The following PHLDB2 variants were observed in gnomAD, a reference collection of about 807,000 sequenced individuals.
PHLDB2 encodes the protein pleckstrin homology-like domain family B member 2.
In PHLDB2, 71 loss-of-function variants were observed where a neutral mutation model predicts 123.6. The ratio of observed to expected loss-of-function variants is 0.57; its 90% CI spans 0.47 to 0.70. The LOEUF (loss-of-function observed/expected upper bound fraction) is 0.70, where lower values mean the gene tolerates loss of function less well. Ranked by LOEUF, PHLDB2 falls within the 30% of genes least tolerant of loss-of-function variation. The pLI is 0.00. For synonymous variants in PHLDB2, 547 were observed against 541.6 expected (o/e 1.01, Z -0.14); for missense variants, 1,446 against 1,519.5 (o/e 0.95, Z 0.80).
intron 1 of PHLDB2, among the ~76,000 whole-genome samples, chr3:111,798,700 A>AATAAAATAAG: frequency 6.6e-6 from 1 of 151,774 alleles, no homozygotes; most frequent in East Asian, 1.9e-4. Context: ...AATAAAATAA[A>AATAAAATAAG]ATAAAATAAA....
At chr3:111,963,735 A>G (rs1210764079) in intron 13 of PHLDB2, among the ~76,000 whole-genome samples, 2 of 152,246 alleles carry the variant, frequency 1.3e-5, no homozygotes, top group African/African-American at 4.8e-5. Flanking sequence ...GAATTACCTC[A>G]TTAATAGGCT....
At chr3:111,919,012 A>C in intron 3 of PHLDB2, 60 bp from the exon 4 acceptor site, 3 of 1,572,548 alleles carry the variant, frequency 1.9e-6, no homozygotes, top group Non-Finnish European at 2.6e-6. Context: ...TTTACAAGTC[A>C]AGTTGGGAAA....
chr3:111,867,550 A>G (rs375977611), intron 1 of PHLDB2, among the ~76,000 whole-genome samples: 3 of 152,204 alleles, frequency 2.0e-5, no homozygotes, highest in Admixed American at 1.3e-4. Context: ...AGCAGATTCC[A>G]AACATCATCA....
chr3:111,920,884 A>T (rs1026403941), intron 5 of PHLDB2, among the ~76,000 whole-genome samples: 2 of 152,124 alleles, frequency 1.3e-5, no homozygotes, highest in Non-Finnish European at 2.9e-5. Flanking sequence ...AGAACCACTC[A>T]TCTCACCTGC....
chr3:111,899,389 T>G (rs2067059633), intron 2 of PHLDB2, among the ~76,000 whole-genome samples: 1 of 152,220 alleles, frequency 6.6e-6, no homozygotes, highest in Non-Finnish European at 1.5e-5. Flanking sequence ...GTATTAAGCC[T>G]GGCATGCATT....
intron 1 of PHLDB2, among the ~76,000 whole-genome samples, chr3:111,840,733 A>G (rs1291016391): frequency 6.6e-6 from 1 of 152,176 alleles, no homozygotes; most frequent in Non-Finnish European, 1.5e-5. Flanking sequence ...TTTCTTGCCT[A>G]TCAATTAGAC....
Position 111,924,529 on chromosome 3 carries a change from G to A in PHLDB2, c.2001+4110G>A, listed in dbSNP as rs565093955. 4.6e-5 allele frequency among the ~76,000 whole-genome samples: 7 copies of A among 152,364 alleles called. No individual in the cohort carries two copies. The East Asian group carries it at 5.8e-4, about 13-fold the overall frequency. On this transcript the variant is annotated intron_variant, in intron 5 of 17. Transcript: ENST00000431670. ...TCAGGACAGCTGGGCTGGGCTGCCC[G>A]TGTGCATATGCCAGGAGGCCTGTAG...
intron 1 of PHLDB2, among the ~76,000 whole-genome samples, chr3:111,792,081 G>A (rs745843919): frequency 3.9e-5 from 6 of 152,094 alleles, no homozygotes; most frequent in African/African-American, 2.4e-5. Context: ...TACAATGTTT[G>A]TCTATATGCT....
intron 1 of PHLDB2, among the ~76,000 whole-genome samples, chr3:111,739,315 C>T (rs1181836744): frequency 2.0e-5 from 3 of 152,112 alleles, no homozygotes; most frequent in East Asian, 1.9e-4. Context: ...AAAGAAACCA[C>T]ATCTGAATTC....
At chr3:111,810,055 G>A (rs552539028) in intron 1 of PHLDB2, among the ~76,000 whole-genome samples, 15 of 152,206 alleles carry the variant, frequency 9.9e-5, no homozygotes, top group South Asian at 8.3e-4. Flanking sequence ...GTTTAAGAGC[G>A]TTAGTGCATC....
At chr3:111,945,214 C>T in intron 8 of PHLDB2, 54 bp from the exon 9 acceptor site, 2 of 1,181,696 alleles carry the variant, frequency 1.7e-6, no homozygotes, top group South Asian at 1.3e-5. Flanking sequence ...CACCATGCTT[C>T]TCAGTTGCAT....
intron 1 of PHLDB2, among the ~76,000 whole-genome samples, chr3:111,828,911 T>C (rs376670947): frequency 6.6e-6 from 1 of 152,192 alleles, no homozygotes; most frequent in East Asian, 1.9e-4. Context: ...GTAGTATAAA[T>C]ATGAAGACAT....
At chr3:111,742,415 C>G (rs1251701646) in intron 1 of PHLDB2, among the ~76,000 whole-genome samples, 1 of 152,082 alleles carries the variant, frequency 6.6e-6, no homozygotes, top group Non-Finnish European at 1.5e-5. Flanking sequence ...CACCCATTAA[C>G]TCGTCATTTA....
chr3:111,921,092 G>C (rs2068472639), intron 5 of PHLDB2, among the ~76,000 whole-genome samples: 1 of 152,132 alleles, frequency 6.6e-6, no homozygotes, highest in Admixed American at 6.5e-5. Context: ...ATATCTATTA[G>C]GGAAAGTATG....
intron 2 of PHLDB2, among the ~76,000 whole-genome samples, chr3:111,898,901 C>T (rs115606756): frequency 0.015 from 2,233 of 152,258 alleles, 23 homozygotes; most frequent in Middle Eastern, 0.034. Flanking sequence ...AGTCTTAAAC[C>T]CCTCAAAGTC....
At chr3:111,830,951 GAAAGA>G (rs879779323) in intron 1 of PHLDB2, among the ~76,000 whole-genome samples, 13,470 of 109,768 alleles carry the variant, frequency 0.12, 2,304 homozygotes, top group African/African-American at 0.31. Context: ...AGGAAAGAAA[GAAAGA>G]GAAAGAAAGA....
intron 1 of PHLDB2, among the ~76,000 whole-genome samples, chr3:111,880,734 C>T (rs1200194281): frequency 1.3e-5 from 2 of 151,406 alleles, no homozygotes; most frequent in African/African-American, 4.9e-5. Flanking sequence ...ACCTGTTCAT[C>T]CAAGTGCTTG....
Position 111,919,069 on chromosome 3 carries a change from C to T in PHLDB2, c.1720-3C>T. The T allele has an allele frequency of 1.2e-6, 2 of 1,613,576 alleles. No individual in the cohort carries two copies. Among genetic ancestry groups the T allele is most frequent in the Non-Finnish European group, 1.7e-6 (2 of 1,179,522 alleles). On this transcript the variant is annotated splice_polypyrimidine_tract_variant and splice_region_variant and intron_variant, in intron 3 of 17. Transcript: ENST00000431670. ...AATCCATTTCTGTGTTGATTAATCG[C>T]AGACCCCAGAGGGTATAAGTGAAGA...
In PHLDB2 at chr3:111,954,326, A is replaced by G. The variant is rs996748034; in HGVS notation, c.2872+297A>G. On this transcript the variant is annotated intron_variant, in intron 12 of 17. Transcript: ENST00000431670. ...GATTAATAGAAAGAAAAGAGAGACC[A>G]GTGAGATCCAAGGAGATTACCAGGG... is the stretch of plus-strand genomic sequence containing the variant. Among the ~76,000 whole-genome samples, 45 of 152,232 alleles carry G rather than the reference A, an allele frequency of 3.0e-4. 1 individual carries two copies. The highest frequency in any genetic ancestry group is 4.4e-5 in the Non-Finnish European group (3 of 68,044).
Sources: allele counts gnomAD v4.1 joint callset (sites outside exome capture counted in the v4.1 genomes callset), GRCh38; gene constraint gnomAD v4.1.1; transcripts MANE v1.5; gene names NCBI Gene and HGNC (gene_info 2026-07-23, HGNC 2026-07-21).